ADGRL3: variants seen among roughly 807,000 people sequenced by gnomAD.
ADGRL3 encodes the protein adhesion G protein-coupled receptor L3, also known as calcium-independent alpha-latrotoxin receptor 3.
A neutral mutation model predicts 153.5 loss-of-function variants in ADGRL3; 62 were observed. The observed-to-expected ratio is 0.40, with a 90% CI of 0.33 to 0.50. The LOEUF is 0.50. ADGRL3 is among the 20% of genes least tolerant of loss of function. The pLI, the probability that ADGRL3 is intolerant of heterozygous loss-of-function variation, is 0.47. For synonymous variants in ADGRL3, 710 were observed against 672.5 expected (o/e 1.06, Z -0.86); for missense variants, 1,641 against 1,859.4 (o/e 0.88, Z 2.16).
At chr4:61,261,767 C>A (rs1219158557) in intron 1 of ADGRL3, among the ~76,000 whole-genome samples, 1 of 152,062 alleles carries the variant, frequency 6.6e-6, no homozygotes, top group African/African-American at 2.4e-5. Flanking sequence ...CTAAACCAGC[C>A]AGGGAGGTCA....
intron 7 of ADGRL3, among the ~76,000 whole-genome samples, chr4:61,732,341 T>G (rs969019268): frequency 1.3e-5 from 2 of 152,188 alleles, no homozygotes; most frequent in South Asian, 2.1e-4. Flanking sequence ...ATGGTGAATT[T>G]CATCAGAATG....
chr4:61,934,271 C>A (rs1419789149), intron 13 of ADGRL3, among the ~76,000 whole-genome samples: 11 of 152,078 alleles, frequency 7.2e-5, no homozygotes. Flanking sequence ...ATAACATATC[C>A]AAAGCCCCTG....
intron 1 of ADGRL3, among the ~76,000 whole-genome samples, chr4:61,243,680 A>T (rs1560379815): frequency 6.6e-6 from 1 of 151,974 alleles, no homozygotes; most frequent in Admixed American, 6.6e-5. Context: ...TGGAAGAAAA[A>T]CTACTTAATG....
At chr4:61,889,486 A>G (rs2098557354) in intron 9 of ADGRL3, among the ~76,000 whole-genome samples, 1 of 152,228 alleles carries the variant, frequency 6.6e-6, no homozygotes, top group African/African-American at 2.4e-5. Flanking sequence ...GACAGAAACC[A>G]TTTAAGCACT....
chr4:61,629,162 G>A (rs2093005085), intron 5 of ADGRL3, among the ~76,000 whole-genome samples: 1 of 152,072 alleles, frequency 6.6e-6, no homozygotes, highest in Non-Finnish European at 1.5e-5. Flanking sequence ...AAAGTACTAT[G>A]GAGATAGAAA....
At chr4:61,890,036 C>T (rs534497265) in intron 9 of ADGRL3, among the ~76,000 whole-genome samples, 1 of 152,190 alleles carries the variant, frequency 6.6e-6, no homozygotes, top group African/African-American at 2.4e-5. Context: ...AATTCTTACT[C>T]TAGTTCAGAG....
chr4:61,344,703 T>C (rs1172272849), intron 1 of ADGRL3, among the ~76,000 whole-genome samples: 1 of 152,174 alleles, frequency 6.6e-6, no homozygotes, highest in Non-Finnish European at 1.5e-5. Context: ...TAACTAAGTG[T>C]ACTACATGTA....
At chr4:61,842,001 G>T (rs147388136) in intron 9 of ADGRL3, among the ~76,000 whole-genome samples, 4,615 of 152,228 alleles carry the variant, frequency 0.03, 110 homozygotes, top group Middle Eastern at 0.082. Flanking sequence ...TTAATTAGCT[G>T]AATCTCCTAA....
chr4:62,019,860 G>A (rs948458960), intron 21 of ADGRL3, among the ~76,000 whole-genome samples: 1 of 152,114 alleles, frequency 6.6e-6, no homozygotes, highest in East Asian at 1.9e-4. Context: ...AAGAACTATC[G>A]AATATTCTTT....
At chr4:61,248,133 C>T (rs1402710341) in intron 1 of ADGRL3, among the ~76,000 whole-genome samples, 1 of 152,014 alleles carries the variant, frequency 6.6e-6, no homozygotes. Flanking sequence ...TGAATTGAAA[C>T]CTTCTCATTT....
chr4:61,711,274 G>A (rs1561104609), intron 6 of ADGRL3, among the ~76,000 whole-genome samples: 1 of 151,474 alleles, frequency 6.6e-6, no homozygotes, highest in South Asian at 2.1e-4. Context: ...ATTTTCACAG[G>A]AGAATGTATC....
intron 10 of ADGRL3, among the ~76,000 whole-genome samples, chr4:61,894,387 A>C (rs945781249): frequency 6.6e-6 from 1 of 152,162 alleles, no homozygotes; most frequent in African/African-American, 2.4e-5. Flanking sequence ...CCAGCAAAAT[A>C]TTTTAAAATA....
intron 13 of ADGRL3, among the ~76,000 whole-genome samples, chr4:61,920,866 T>C (rs547576888): frequency 2.7e-4 from 41 of 152,318 alleles, no homozygotes; most frequent in African/African-American, 8.9e-4. Context: ...GGTTAAATAC[T>C]TCATTAGTAG....
chr4:61,358,571 T>A (rs1192289336), intron 1 of ADGRL3, among the ~76,000 whole-genome samples: 1 of 119,962 alleles, frequency 8.3e-6, no homozygotes, highest in Non-Finnish European at 1.6e-5. Context: ...CACTCCAGCC[T>A]GGGCGACAGA....
chr4:61,505,780 A>C (rs1039960992), intron 3 of ADGRL3, among the ~76,000 whole-genome samples: 1 of 151,818 alleles, frequency 6.6e-6, no homozygotes, highest in Non-Finnish European at 1.5e-5. Context: ...TCAAATCCAC[A>C]TATTATATAT....
chr4:61,497,274 C>T lies in ADGRL3; in HGVS notation c.-20C>T, dbSNP rs779840510. ...TGAACAGTCATTCTTGAGGAATACT[C>T]CATACCTGAGTAGACAGCCATGTGG... On this transcript the variant is annotated 5_prime_UTR_variant, in exon 3 of 27. Transcript: ENST00000683033. 2 of 1,540,282 alleles carry T rather than the reference C, an allele frequency of 1.3e-6. No homozygotes were observed. Among genetic ancestry groups the T allele is most frequent in the Admixed American group, 3.5e-5 (2 of 56,732 alleles).
chr4:61,936,781 TACACACACACAC>T (rs71666904), intron 15 of ADGRL3, among the ~76,000 whole-genome samples: 1 of 138,734 alleles, frequency 7.2e-6, no homozygotes, highest in Non-Finnish European at 1.5e-5. Context: ...TACATATGCA[TACACACACACAC>T]ACACACACAC....
intron 6 of ADGRL3, among the ~76,000 whole-genome samples, chr4:61,692,020 G>A (rs2095548383): frequency 1.3e-5 from 2 of 152,026 alleles, no homozygotes; most frequent in Non-Finnish European, 2.9e-5. Flanking sequence ...ATATTCTGGG[G>A]TGTTTAATAA....
chr4:61,762,497 G>T lies in ADGRL3; in HGVS notation c.1399+28943G>T, dbSNP rs577579981. On this transcript the variant is annotated intron_variant, in intron 8 of 26. Transcript: ENST00000683033. ...ATTTAAATTTGATATTGAGGTGCTT[G>T]TCAAAAATGTGAAAAGTTTTGAACA... Among the ~76,000 whole-genome samples the T allele has an allele frequency of 3.3e-5, 5 of 152,180 alleles. 1 individual carries two copies. Among genetic ancestry groups the T allele is most frequent in the South Asian group, 4.1e-4 (2 of 4,824 alleles).
Sources: gnomAD v4.1 joint callset for allele counts (sites outside exome capture counted in the v4.1 genomes callset) on GRCh38, gnomAD v4.1.1 for gene constraint, MANE v1.5 for transcripts, NCBI Gene and HGNC (gene_info 2026-07-23, HGNC 2026-07-21) for gene names.